The following FBN1 variants were observed in gnomAD, a reference collection of about 807,000 sequenced individuals.
FBN1 encodes the protein fibrillin 1.
Under a neutral mutation model 365.1 loss-of-function variants are expected in FBN1, and 29 were observed. That is an observed-to-expected ratio of 0.08 (90% CI 0.06 to 0.11). FBN1 has a LOEUF of 0.11. FBN1 is among the 10% of genes least tolerant of loss of function. The pLI, the probability that FBN1 is intolerant of heterozygous loss-of-function variation, is 1.00. For synonymous variants in FBN1, 1,210 were observed against 1,270.5 expected, an observed-to-expected ratio of 0.95 and a Z score of 1.01; for missense variants, 2,476 against 3,703.2, an observed-to-expected ratio of 0.67 and a Z score of 8.60.
intron 4 of FBN1, among the ~76,000 whole-genome samples, chr15:48,601,234 G>C (rs2044564084): frequency 6.6e-6 from 1 of 152,236 alleles, no homozygotes; most frequent in Non-Finnish European, 1.5e-5. Context: ...CTCATAGTGA[G>C]CAATGACAAC....
intron 9 of FBN1, among the ~76,000 whole-genome samples, chr15:48,521,137 T>C (rs1316970337): frequency 6.6e-6 from 1 of 152,206 alleles, no homozygotes; most frequent in African/African-American, 2.4e-5. Flanking sequence ...AGTGACAGTT[T>C]ATTATTTATA....
Position 48,505,009 on chromosome 15 carries a change from C to CT in FBN1, c.1960+15_1960+16insA. The stretch of plus-strand genomic sequence containing the variant: ...GCTGAACCTCTCTCATAAGGTTAGC[C>CT]ATGATGTTTTCTTACCAACACACAC... On this transcript the variant is annotated intron_variant, in intron 16 of 65. Coordinates refer to ENST00000316623, the MANE Select transcript of FBN1 (RefSeq NM_000138.5). The CT allele has an allele frequency of 6.2e-7, 1 of 1,614,004 alleles. No homozygotes were observed. Among genetic ancestry groups the CT allele is most frequent in the Non-Finnish European group, 8.5e-7 (1 of 1,179,968 alleles).
At chr15:48,459,164 G>A (rs1044174803) in intron 43 of FBN1, among the ~76,000 whole-genome samples, 18 of 152,232 alleles carry the variant, frequency 1.2e-4, no homozygotes, top group Admixed American at 1.2e-3. Flanking sequence ...CAAACTTGGA[G>A]GGCAGCCTTG....
rs750385047 is a variant in FBN1, at chr15:48,437,147, T to TCA, written c.6380-72_6380-71dup. 38 of 1,233,168 alleles carry TCA rather than the reference T, an allele frequency of 3.1e-5. 1 individual carries two copies. The East Asian group carries it at 4.0e-4, about 13-fold the overall frequency. The allele number at this position is 1,233,168 out of a possible 1,614,324, so 76.4% of individuals were successfully genotyped here. A position where few individuals can be genotyped will look rare whatever the true frequency, so the allele number is the denominator to read the frequency against. On this transcript the variant is annotated intron_variant, in intron 52 of 65. Coordinates refer to ENST00000316623, the MANE Select transcript of FBN1 (RefSeq NM_000138.5). ...AACGTGAAGATAAATTATGATCATT[T>TCA]CAGTGTTTAATCAAAAGATTATCTA...
chr15:48,525,338 G>A (rs943878404), intron 9 of FBN1, among the ~76,000 whole-genome samples: 10 of 152,144 alleles, frequency 6.6e-5, no homozygotes, highest in Non-Finnish European at 1.3e-4. Context: ...CAAACTGCCC[G>A]CCTCGGCCTC....
intron 62 of FBN1, among the ~76,000 whole-genome samples, chr15:48,421,353 G>A (rs1246251928): frequency 6.6e-6 from 1 of 151,644 alleles, no homozygotes; most frequent in Non-Finnish European, 1.5e-5. Context: ...ATATACTTAG[G>A]AAAGGCATGT....
intron 24 of FBN1, among the ~76,000 whole-genome samples, chr15:48,490,708 T>C (rs1296599308): frequency 6.6e-6 from 1 of 152,296 alleles, no homozygotes; most frequent in African/African-American, 2.4e-5. Context: ...CCCAAATTCA[T>C]GGGATTATAA....
intron 2 of FBN1, among the ~76,000 whole-genome samples, chr15:48,626,350 A>T (rs1440960158): frequency 6.6e-6 from 1 of 152,212 alleles, no homozygotes; most frequent in Non-Finnish European, 1.5e-5. Context: ...AAAGGAAAAA[A>T]TCTAACACAT....
intron 6 of FBN1, among the ~76,000 whole-genome samples, chr15:48,594,084 A>C (rs1394760484): frequency 6.6e-6 from 1 of 152,162 alleles, no homozygotes; most frequent in Non-Finnish European, 1.5e-5. Flanking sequence ...ACGAACATAC[A>C]TCTAAGTAAG....
intron 45 of FBN1, 89 bp from the exon 46 acceptor site, chr15:48,448,982 C>A: frequency 8.9e-7 from 1 of 1,129,650 alleles, no homozygotes; most frequent in East Asian, 2.5e-5. Flanking sequence ...AGGAGTAATC[C>A]TAGCTCTAAA....
At chr15:48,610,869 A>G (rs1273645994) in intron 3 of FBN1, 43 bp from the exon 4 acceptor site, 3 of 1,536,246 alleles carry the variant, frequency 2.0e-6, no homozygotes, top group East Asian at 4.5e-5. Context: ...GATTTGGAAC[A>G]CGATTTGTTA....
intron 2 of FBN1, among the ~76,000 whole-genome samples, chr15:48,623,014 TTA>T (rs1235501761): frequency 3.9e-5 from 6 of 152,184 alleles, no homozygotes; most frequent in African/African-American, 1.4e-4. Context: ...TTTAAAACAA[TTA>T]TATGTCTAGA....
chr15:48,466,361 C>A (rs985658383), intron 38 of FBN1, among the ~76,000 whole-genome samples: 47 of 152,318 alleles, frequency 3.1e-4, no homozygotes, highest in Non-Finnish European at 4.3e-4. Context: ...ACATTTCTTG[C>A]ACCTCTGTTT....
intron 2 of FBN1, among the ~76,000 whole-genome samples, chr15:48,615,479 A>G (rs2140741054): frequency 6.6e-6 from 1 of 152,292 alleles, no homozygotes; most frequent in South Asian, 2.1e-4. Context: ...ATGGTAATAT[A>G]AACATTCTTT....
intron 10 of FBN1, among the ~76,000 whole-genome samples, chr15:48,519,708 C>A (rs2043834632): frequency 6.6e-6 from 1 of 152,176 alleles, no homozygotes; most frequent in Non-Finnish European, 1.5e-5. Context: ...AAAAAGCCAA[C>A]TTGAATTCAG....
chr15:48,582,028 G>C (rs2044396848), intron 6 of FBN1, among the ~76,000 whole-genome samples: 1 of 152,194 alleles, frequency 6.6e-6, no homozygotes, highest in African/African-American at 2.4e-5. Flanking sequence ...TGACATAAAT[G>C]TGGCATCTCT....
intron 6 of FBN1, among the ~76,000 whole-genome samples, chr15:48,589,679 T>A (rs1306395024): frequency 6.8e-6 from 1 of 147,912 alleles, no homozygotes; most frequent in African/African-American, 2.5e-5. Context: ...AGTGGCGTGA[T>A]CTCGGCTCAC....
At chr15:48,595,350 G>A (rs1291101579) in intron 6 of FBN1, among the ~76,000 whole-genome samples, 2 of 152,134 alleles carry the variant, frequency 1.3e-5, no homozygotes, top group Non-Finnish European at 2.9e-5. Flanking sequence ...TTGGCTAAAA[G>A]TGATTACTGC....
intron 55 of FBN1, among the ~76,000 whole-genome samples, chr15:48,432,024 T>C (rs996834316): frequency 6.6e-6 from 1 of 152,226 alleles, no homozygotes; most frequent in Non-Finnish European, 1.5e-5. Flanking sequence ...TTTTATATTA[T>C]ATATCTCAAA....
Sources: allele counts gnomAD v4.1 joint callset (sites outside exome capture counted in the v4.1 genomes callset), GRCh38; gene constraint gnomAD v4.1.1; transcripts MANE v1.5; gene names NCBI Gene and HGNC (gene_info 2026-07-23, HGNC 2026-07-21).